Variants in TBCE observed in about 807,000 individuals in gnomAD.
TBCE encodes the protein tubulin-specific chaperone E.
TBCE carries 53 observed loss-of-function variants against 77.0 expected under a neutral mutation model. That is an observed-to-expected ratio of 0.69 (90% CI 0.55 to 0.87). TBCE has a LOEUF of 0.87. Among genes scored for constraint, TBCE ranks in the 40% least tolerant of loss-of-function variants. TBCE has a pLI of 0.00. For missense variants in TBCE, 624 were observed against 622.4 expected, an observed-to-expected ratio of 1.00 and a Z score of -0.03; for synonymous variants, 235 against 241.3, an observed-to-expected ratio of 0.97 and a Z score of 0.24.
intron 2 of TBCE, among the ~76,000 whole-genome samples, chr1:235,380,680 A>G (rs560789471): frequency 3.4e-4 from 52 of 152,106 alleles, no homozygotes; most frequent in African/African-American, 1.1e-3. Flanking sequence ...AGTATAATAT[A>G]TAGTTTGTTT....
intron 4 of TBCE, among the ~76,000 whole-genome samples, chr1:235,416,400 C>T (rs1318698433): frequency 6.6e-6 from 1 of 151,784 alleles, no homozygotes; most frequent in Admixed American, 6.6e-5. Context: ...GTGGTGCGTG[C>T]CTATAGTCCC....
At position 235,437,494 on chromosome 1, in the gene TBCE, C is replaced by G; in HGVS notation, c.1116+20C>G. ...TGTGAGGTGAGCACTGGCGTCATGACTAGATATTTTTTAGACTAGAAAATA... is the reference window on the plus strand; with the variant it reads ...TGTGAGGTGAGCACTGGCGTCATGAGTAGATATTTTTTAGACTAGAAAATA... On this transcript the variant is annotated intron_variant, in intron 12 of 16. Transcript: ENST00000642610. The G allele has an allele frequency of 6.2e-7, 1 of 1,613,440 alleles. No individual in the cohort carries two copies. Among genetic ancestry groups the G allele is most frequent in the Non-Finnish European group, 8.5e-7 (1 of 1,179,800 alleles).
chr1:235,432,725 A>G, intron 7 of TBCE, among the ~76,000 whole-genome samples: 1 of 151,974 alleles, frequency 6.6e-6, no homozygotes, highest in Admixed American at 6.6e-5. Flanking sequence ...AAATTTAGAA[A>G]TAGTTGGTGA....
At chr1:235,446,912 G>A (rs543351913) in intron 15 of TBCE, among the ~76,000 whole-genome samples, 2 of 152,132 alleles carry the variant, frequency 1.3e-5, no homozygotes, top group South Asian at 4.2e-4. Context: ...TCAAATTCCT[G>A]GGCTCTGATC....
intron 13 of TBCE, among the ~76,000 whole-genome samples, chr1:235,439,186 C>G (rs775709922): frequency 6.6e-6 from 1 of 151,938 alleles, no homozygotes; most frequent in Non-Finnish European, 1.5e-5. Context: ...GAAAGCAATT[C>G]TTTTATTTTT....
At chr1:235,403,260 G>A (rs1458715690) in intron 3 of TBCE, among the ~76,000 whole-genome samples, 1 of 152,112 alleles carries the variant, frequency 6.6e-6, no homozygotes, top group Non-Finnish European at 1.5e-5. Context: ...AGGCTGGAGT[G>A]CAGTGGCGTG....
intron 7 of TBCE, 121 bp downstream of exon 7, chr1:235,430,925 CTATTAATAGA>C (rs2102913292): frequency 1.2e-6 from 1 of 818,060 alleles, no homozygotes; most frequent in African/African-American, 1.7e-5. Flanking sequence ...ATCCCAGTAT[CTATTAATAGA>C]TAACAAGATT....
At chr1:235,387,959 T>C (rs528301636) in intron 2 of TBCE, among the ~76,000 whole-genome samples, 57 of 152,304 alleles carry the variant, frequency 3.7e-4, no homozygotes, top group African/African-American at 1.3e-3. Flanking sequence ...GTGAAAGCCA[T>C]TGAACAAGAT....
At chr1:235,415,772 A>G (rs1680073245) in intron 4 of TBCE, 1 of 152,192 alleles carries the variant, frequency 6.6e-6, no homozygotes, top group African/African-American at 2.4e-5. Context: ...AAAGGAACAA[A>G]TGGACTGTTC....
At chr1:235,378,640 A>C (rs889679413) in intron 1 of TBCE, among the ~76,000 whole-genome samples, 1 of 152,132 alleles carries the variant, frequency 6.6e-6, no homozygotes, top group African/African-American at 2.4e-5. Context: ...TGAGGTCAGG[A>C]GTTCAAGACC....
At chr1:235,435,102 GT>G (rs1383670856) in intron 8 of TBCE, among the ~76,000 whole-genome samples, 1 of 145,214 alleles carries the variant, frequency 6.9e-6, no homozygotes. Context: ...CAGGTTTTTT[GT>G]TTTGTTTTTT....
chr1:235,427,522 G>A (rs1409796899), intron 6 of TBCE, among the ~76,000 whole-genome samples: 4 of 152,240 alleles, frequency 2.6e-5, no homozygotes, highest in African/African-American at 4.8e-5. Flanking sequence ...GAGCCAATCA[G>A]GTTCAAGATG....
In TBCE at chr1:235,407,755, C is replaced by G. The variant is rs17603085; in HGVS notation, c.185+6168C>G. 6.6e-3 allele frequency among the ~76,000 whole-genome samples: 1,003 copies of G among 152,308 alleles called. 6 individuals are homozygous for G. Among genetic ancestry groups the G allele is most frequent in the Non-Finnish European group, 0.012 (787 of 68,028 alleles). On this transcript the variant is annotated intron_variant, in intron 3 of 16. Transcript: ENST00000642610. ...AGATTTATGGCCGTGCGCCAGTCAC[C>G]CGTGTCCTTCCTAGGTACTCCTGCT...
chr1:235,436,218 T>C, intron 9 of TBCE, 168 bp from the exon 10 acceptor site: 1 of 671,852 alleles, frequency 1.5e-6, no homozygotes. Flanking sequence ...GAATACAGGA[T>C]AAAGAGTTCA....
intron 4 of TBCE, among the ~76,000 whole-genome samples, chr1:235,417,871 G>A (rs1309239848): frequency 2.0e-5 from 3 of 152,020 alleles, no homozygotes; most frequent in Non-Finnish European, 4.4e-5. Context: ...CCACCCTCCC[G>A]GGTTCAAGCG....
intron 6 of TBCE, 154 bp from the exon 7 acceptor site, chr1:235,430,551 T>A: frequency 3.4e-6 from 2 of 582,746 alleles, no homozygotes; most frequent in Non-Finnish European, 6.1e-6. Flanking sequence ...TTCACTTGAA[T>A]CATTAAAAAA....
At chr1:235,372,405 C>G (rs138997464) in intron 1 of TBCE, among the ~76,000 whole-genome samples, 138 of 152,256 alleles carry the variant, frequency 9.1e-4, no homozygotes, top group African/African-American at 3.1e-3. Flanking sequence ...GAATTTTTCC[C>G]AAGGAAATAC....
chr1:235,373,250 T>C (rs1419598026), intron 1 of TBCE, among the ~76,000 whole-genome samples: 2 of 152,126 alleles, frequency 1.3e-5, no homozygotes, highest in Non-Finnish European at 1.5e-5. Flanking sequence ...ATGAAAATTT[T>C]GAAAGGGCAC....
At chr1:235,437,781 C>G (rs1030326421) in intron 12 of TBCE, among the ~76,000 whole-genome samples, 1 of 149,560 alleles carries the variant, frequency 6.7e-6, no homozygotes, top group Non-Finnish European at 1.5e-5. Flanking sequence ...GAACATGCCA[C>G]TGCACTCCAG....
Sources: gnomAD v4.1 joint callset for allele counts (sites outside exome capture counted in the v4.1 genomes callset) on GRCh38, gnomAD v4.1.1 for gene constraint, MANE v1.5 for transcripts, NCBI Gene and HGNC (gene_info 2026-07-23, HGNC 2026-07-21) for gene names.